The following GPC5 variants were observed in gnomAD, a reference collection of about 807,000 sequenced individuals.
GPC5 encodes the protein glypican-5.
In GPC5, 47 loss-of-function variants were observed where a neutral mutation model predicts 53.9. That is an observed-to-expected ratio of 0.87 (90% CI 0.69 to 1.11). GPC5 has a LOEUF of 1.11. Ranked by LOEUF, GPC5 falls within the 50% of genes most tolerant of loss-of-function variation. The pLI, the probability that GPC5 is intolerant of heterozygous loss-of-function variation, is 0.00. For synonymous variants in GPC5, 286 were observed against 263.3 expected (o/e 1.09, Z -0.84); for missense variants, 748 against 713.1 (o/e 1.05, Z -0.56).
Position 92,216,978 on chromosome 13 carries a change from CAA to C in GPC5, c.1561+72009_1561+72010del, listed in dbSNP as rs61411051. Among the ~76,000 whole-genome samples the C allele has an allele frequency of 4.9e-3, 461 of 93,628 alleles. 3 individuals carry two copies. In the Middle Eastern group the frequency reaches 0.052, roughly 11 times the overall value. 61.4% of individuals were successfully genotyped at this position (93,628 alleles called of 152,430 possible). On this transcript the variant is annotated intron_variant, in intron 7 of 7. Coordinates refer to ENST00000377067, the MANE Select transcript of GPC5 (RefSeq NM_004466.6). ...TGGGCGATAGAGGAAGATCTTGTCT[CAA>C]AAAAAAAAAAAAAAAAAAAGTCATC...
rs192004674 is a variant in GPC5, at chr13:91,494,219, T to C, written c.325+45297T>C. ...TTCTTTTCTGTTGTTATGAATGACC[T>C]GTTTGTGCCTCTTGCAAAGGCCAGC... On this transcript the variant is annotated intron_variant, in intron 2 of 7. Coordinates refer to ENST00000377067, the MANE Select transcript of GPC5 (RefSeq NM_004466.6). Among the ~76,000 whole-genome samples the C allele has an allele frequency of 1.6e-3, 240 of 151,980 alleles. 2 individuals are homozygous for C. Among genetic ancestry groups the C allele is most frequent in the African/African-American group, 5.5e-3 (228 of 41,468 alleles).
intron 6 of GPC5, among the ~76,000 whole-genome samples, 164 bp from the exon 7 acceptor site, chr13:92,144,666 T>G (rs2041853610): frequency 1.3e-5 from 2 of 152,208 alleles, no homozygotes; most frequent in African/African-American, 4.8e-5. Context: ...TGCCCGCTAT[T>G]TATTACTATT....
At chr13:92,066,334 T>C (rs1475415513) in intron 6 of GPC5, among the ~76,000 whole-genome samples, 2 of 151,824 alleles carry the variant, frequency 1.3e-5, no homozygotes, top group East Asian at 3.9e-4. Flanking sequence ...GAATGGACCA[T>C]TGTGGCTGAA....
intron 7 of GPC5, among the ~76,000 whole-genome samples, chr13:92,499,396 G>A (rs1314178652): frequency 6.6e-6 from 1 of 152,088 alleles, no homozygotes; most frequent in African/African-American, 2.4e-5. Context: ...TCAATTTGCT[G>A]TTCTTTTTTT....
In GPC5 at chr13:92,126,830, G is replaced by GTT. The variant is rs1004485699; in HGVS notation, c.1402-17999_1402-17998insTT. 2.0e-5 allele frequency among the ~76,000 whole-genome samples: 3 copies of GTT among 151,240 alleles called. No homozygotes were observed. In the East Asian group the frequency reaches 5.8e-4, roughly 29 times the overall value. On this transcript the variant is annotated intron_variant, in intron 6 of 7. Coordinates refer to ENST00000377067, the MANE Select transcript of GPC5 (RefSeq NM_004466.6). ...AGGAAAAGTTGGAGTGTGTGTGTGT[G>GTT]TGTGTATGTATGCATGTGTGTGCAT...
intron 7 of GPC5, among the ~76,000 whole-genome samples, chr13:92,345,817 G>A (rs560119512): frequency 1.9e-4 from 29 of 152,166 alleles, no homozygotes; most frequent in African/African-American, 6.7e-4. Context: ...GGGGCTAAAG[G>A]CATACCTAAA....
chr13:91,650,506 G>A (rs1175441722), intron 2 of GPC5, among the ~76,000 whole-genome samples: 1 of 151,636 alleles, frequency 6.6e-6, no homozygotes, highest in East Asian at 1.9e-4. Flanking sequence ...GTTTTCAATT[G>A]TTCTTTTATG....
At chr13:91,832,300 CTT>C (rs55698516) in intron 5 of GPC5, among the ~76,000 whole-genome samples, 41,945 of 122,872 alleles carry the variant, frequency 0.34, 6,269 homozygotes, top group South Asian at 0.58. Flanking sequence ...GCTTTTTTCT[CTT>C]TTTTTTTTTT....
chr13:91,915,021 T>C (rs2039645152), intron 6 of GPC5, among the ~76,000 whole-genome samples: 1 of 152,154 alleles, frequency 6.6e-6, no homozygotes, highest in South Asian at 2.1e-4. Flanking sequence ...TTCACTTGTA[T>C]AGACTCTTTC....
intron 6 of GPC5, among the ~76,000 whole-genome samples, chr13:92,095,084 C>A (rs961322809): frequency 6.6e-6 from 1 of 152,010 alleles, no homozygotes; most frequent in Admixed American, 6.6e-5. Context: ...AGTTGGGAAC[C>A]AGAGTAATCT....
At chr13:91,520,880 T>C (rs1885775115) in intron 2 of GPC5, among the ~76,000 whole-genome samples, 1 of 152,114 alleles carries the variant, frequency 6.6e-6, no homozygotes, top group Non-Finnish European at 1.5e-5. Flanking sequence ...GAAATGATGA[T>C]TGGGGGGTTT....
chr13:91,868,133 AAGC>A (rs1436834639), intron 5 of GPC5, among the ~76,000 whole-genome samples: 2 of 152,230 alleles, frequency 1.3e-5, no homozygotes, highest in Non-Finnish European at 2.9e-5. Context: ...TATTGAGAAA[AAGC>A]AGCCACTAAG....
chr13:92,728,877 A>G (rs1004203797), intron 7 of GPC5, among the ~76,000 whole-genome samples: 4 of 151,422 alleles, frequency 2.6e-5, no homozygotes, highest in Non-Finnish European at 5.9e-5. Flanking sequence ...GGAACTGGAA[A>G]TAGTACATTT....
chr13:92,223,800 G>T (rs888076508), intron 7 of GPC5, among the ~76,000 whole-genome samples: 24 of 152,132 alleles, frequency 1.6e-4, no homozygotes, highest in Middle Eastern at 3.4e-3. Context: ...GGAACAAAAA[G>T]CAAATAACAA....
intron 7 of GPC5, among the ~76,000 whole-genome samples, chr13:92,545,066 C>G (rs1397512662): frequency 6.6e-6 from 1 of 151,916 alleles, no homozygotes; most frequent in East Asian, 1.9e-4. Context: ...CTATACCTCC[C>G]CCCTCACCCC....
At chr13:91,415,122 T>C (rs1235688899) in intron 1 of GPC5, among the ~76,000 whole-genome samples, 2 of 152,190 alleles carry the variant, frequency 1.3e-5, no homozygotes, top group African/African-American at 4.8e-5. Flanking sequence ...GTGTTTTGAC[T>C]GGGCATGCTA....
chr13:92,725,326 C>T (rs551492324), intron 7 of GPC5, among the ~76,000 whole-genome samples: 1 of 151,628 alleles, frequency 6.6e-6, no homozygotes, highest in Admixed American at 6.6e-5. Flanking sequence ...CGTTATATAT[C>T]TGTTCTCCTA....
intron 2 of GPC5, among the ~76,000 whole-genome samples, chr13:91,494,539 AT>A (rs1244558994): frequency 6.6e-6 from 1 of 151,984 alleles, no homozygotes; most frequent in Non-Finnish European, 1.5e-5. Context: ...GCTGTCTGCA[AT>A]TTCTCTCACC....
intron 2 of GPC5, among the ~76,000 whole-genome samples, chr13:91,655,533 C>A (rs956981839): frequency 6.6e-6 from 1 of 151,848 alleles, no homozygotes; most frequent in Admixed American, 6.6e-5. Flanking sequence ...CATATATAAT[C>A]ATATATCTCA....
Sources: gnomAD v4.1 joint callset for allele counts (sites outside exome capture counted in the v4.1 genomes callset) on GRCh38, gnomAD v4.1.1 for gene constraint, MANE v1.5 for transcripts, NCBI Gene and HGNC (gene_info 2026-07-23, HGNC 2026-07-21) for gene names.